The following ACACA variants were observed in gnomAD, a reference collection of about 807,000 sequenced individuals.
The protein encoded by ACACA is acetyl-CoA carboxylase alpha.
A neutral mutation model predicts 296.1 loss-of-function variants in ACACA; 103 were observed. The observed-to-expected ratio is 0.35, with a 90% CI of 0.30 to 0.41. The LOEUF (loss-of-function observed/expected upper bound fraction) is 0.41, where lower values mean the gene tolerates loss of function less well. Among genes scored for constraint, ACACA ranks in the 10% least tolerant of loss-of-function variants. ACACA has a pLI of 1.00. For missense variants in ACACA, 1,554 were observed against 2,989.7 expected, an observed-to-expected ratio of 0.52 and a Z score of 11.20; for synonymous variants, 953 against 1,038.6, an observed-to-expected ratio of 0.92 and a Z score of 1.58.
intron 1 of ACACA, among the ~76,000 whole-genome samples, chr17:37,353,979 G>C (rs1309818620): frequency 6.6e-6 from 1 of 152,102 alleles, no homozygotes. Context: ...ATGGTGACAT[G>C]TGCCTGCGAT....
intron 48 of ACACA, among the ~76,000 whole-genome samples, chr17:37,124,079 T>C (rs2074658232): frequency 6.6e-6 from 1 of 152,216 alleles, no homozygotes; most frequent in African/African-American, 2.4e-5. Context: ...ATTCCAAACA[T>C]ACATACCAAA....
chr17:37,366,328 A>G (rs975428740), intron 1 of ACACA, among the ~76,000 whole-genome samples: 1 of 152,160 alleles, frequency 6.6e-6, no homozygotes, highest in African/African-American at 2.4e-5. Context: ...TACATAATAA[A>G]ATATAACATT....
intron 3 of ACACA, among the ~76,000 whole-genome samples, chr17:37,286,657 T>C (rs1350415388): frequency 1.3e-5 from 2 of 152,194 alleles, no homozygotes; most frequent in Non-Finnish European, 2.9e-5. Context: ...TGAAAAGCCA[T>C]AGAGGTACCA....
chr17:37,120,982 T>C (rs2074499478), intron 50 of ACACA, among the ~76,000 whole-genome samples: 1 of 152,186 alleles, frequency 6.6e-6, no homozygotes, highest in Non-Finnish European at 1.5e-5. Flanking sequence ...AATTTCAGTA[T>C]CTGTCTTGGT....
intron 1 of ACACA, among the ~76,000 whole-genome samples, chr17:37,347,447 C>T (rs2048677879): frequency 6.6e-6 from 1 of 152,116 alleles, no homozygotes; most frequent in South Asian, 2.1e-4. Context: ...GCACACACTA[C>T]CACACCCAGC....
intron 41 of ACACA, among the ~76,000 whole-genome samples, chr17:37,165,148 C>G (rs1041429625): frequency 1.4e-5 from 2 of 141,502 alleles, no homozygotes; most frequent in African/African-American, 5.1e-5. Context: ...TAAAAAGTAC[C>G]ATTACAGAAT....
intron 33 of ACACA, among the ~76,000 whole-genome samples, chr17:37,205,517 A>G (rs1207206064): frequency 2.0e-5 from 3 of 152,138 alleles, no homozygotes; most frequent in African/African-American, 7.2e-5. Flanking sequence ...TCTGGGAGAG[A>G]TTTAGGAAGA....
At chr17:37,316,622 C>T (rs4795189) in intron 3 of ACACA, among the ~76,000 whole-genome samples, 18,377 of 152,094 alleles carry the variant, frequency 0.12, 1,727 homozygotes, top group East Asian at 0.45. Flanking sequence ...ACTGCCACTA[C>T]GGAAAGCAGT....
At chr17:37,389,842 T>C (rs1241919554) in intron 1 of ACACA, among the ~76,000 whole-genome samples, 1 of 151,814 alleles carries the variant, frequency 6.6e-6, no homozygotes, top group Non-Finnish European at 1.5e-5. Context: ...GCAATCCTTC[T>C]TATGTCAGGA....
At chr17:37,179,551 C>T (rs1485254585) in intron 40 of ACACA, 145 bp from the exon 41 acceptor site, 7 of 951,622 alleles carry the variant, frequency 7.4e-6, no homozygotes, top group Non-Finnish European at 1.1e-5. Context: ...CTCCAGCTCC[C>T]ATTCTCAGTT....
intron 41 of ACACA, among the ~76,000 whole-genome samples, chr17:37,177,902 T>C (rs1416650083): frequency 6.6e-6 from 1 of 152,210 alleles, no homozygotes; most frequent in Non-Finnish European, 1.5e-5. Flanking sequence ...TACCAAATCA[T>C]CTACTGTTGG....
chr17:37,302,936 A>G (rs2083699383), intron 3 of ACACA, among the ~76,000 whole-genome samples: 1 of 152,172 alleles, frequency 6.6e-6, no homozygotes, highest in Non-Finnish European at 1.5e-5. Flanking sequence ...ATCACAATAA[A>G]TTTAAGGACA....
chr17:37,271,698 A>T (rs1041088939), intron 9 of ACACA, among the ~76,000 whole-genome samples: 2 of 151,356 alleles, frequency 1.3e-5, no homozygotes, highest in Non-Finnish European at 2.9e-5. Flanking sequence ...GGTTGGGCGT[A>T]GTGGCTCGTG....
At chr17:37,383,324 C>G (rs2050386430) in intron 1 of ACACA, among the ~76,000 whole-genome samples, 1 of 152,136 alleles carries the variant, frequency 6.6e-6, no homozygotes, top group Admixed American at 6.5e-5. Context: ...AAAGATCAAC[C>G]TGACCTAATT....
At chr17:37,388,081 T>C (rs539905744) in intron 1 of ACACA, among the ~76,000 whole-genome samples, 1 of 152,108 alleles carries the variant, frequency 6.6e-6, no homozygotes, top group African/African-American at 2.4e-5. Context: ...GGGAGGATGG[T>C]TTGAGCCTGG....
In ACACA at chr17:37,142,982, C is replaced by T. The variant is rs180724155; in HGVS notation, c.5679+6882G>A. ...GCAATGAGAAGGAACCCTAAATGAA[C>T]CTTAGAGAAGACTATGGCAGTGCCA... On this transcript the variant is annotated intron_variant, in intron 45 of 55. Coordinates refer to ENST00000616317, the MANE Select transcript of ACACA (RefSeq NM_198834.3). Among the ~76,000 whole-genome samples the T allele has an allele frequency of 5.3e-5, 8 of 152,300 alleles. No individual in the cohort carries two copies. The East Asian group carries it at 1.2e-3, about 22-fold the overall frequency.
intron 1 of ACACA, among the ~76,000 whole-genome samples, chr17:37,376,479 T>C (rs1054080970): frequency 6.6e-6 from 1 of 152,230 alleles, no homozygotes; most frequent in Non-Finnish European, 1.5e-5. Flanking sequence ...AAATTCATAC[T>C]GTTCATAAGA....
At chr17:37,219,507 G>C (rs2079183371) in intron 29 of ACACA, among the ~76,000 whole-genome samples, 1 of 151,968 alleles carries the variant, frequency 6.6e-6, no homozygotes, top group African/African-American at 2.4e-5. Context: ...TCTGAAGTAG[G>C]GACAATTTGG....
intron 1 of ACACA, among the ~76,000 whole-genome samples, chr17:37,394,692 C>G (rs1176076291): frequency 1.4e-5 from 2 of 146,718 alleles, no homozygotes; most frequent in Non-Finnish European, 1.5e-5. Context: ...CTGGCTAACA[C>G]GGCGAAACCC....
Sources: allele counts gnomAD v4.1 joint callset (sites outside exome capture counted in the v4.1 genomes callset), GRCh38; gene constraint gnomAD v4.1.1; transcripts MANE v1.5; gene names NCBI Gene and HGNC (gene_info 2026-07-23, HGNC 2026-07-21).